The following ZNF706 variants were observed in gnomAD, a reference collection of about 807,000 sequenced individuals.
The protein encoded by ZNF706 is transcriptional regulator ZNF706.
Under a neutral mutation model 9.2 loss-of-function variants are expected in ZNF706, and 4 were observed. The ratio of observed to expected loss-of-function variants is 0.43; its 90% CI spans 0.21 to 0.99. The LOEUF is 0.99. Ranked by LOEUF, ZNF706 falls within the 50% of genes least tolerant of loss-of-function variation. The pLI is 0.26. For synonymous variants in ZNF706, 28 were observed against 27.3 expected, an observed-to-expected ratio of 1.03 and a Z score of -0.08; for missense variants, 27 against 87.8, an observed-to-expected ratio of 0.31 and a Z score of 2.77.
At position 101,198,713 on chromosome 8, in the gene ZNF706, A is replaced by G. The variant is rs1393698170; in HGVS notation, c.*539T>C. On this transcript the variant is annotated 3_prime_UTR_variant, in exon 4 of 4. Coordinates refer to ENST00000311212, the MANE Select transcript of ZNF706 (RefSeq NM_016096.5). The stretch of plus-strand genomic sequence containing the variant: ...ACACATAACCGCAATATACTAAGGC[A>G]GCAGATAAGTCATTTTTCACCTAGA... 1 of 153,120 alleles carries G rather than the reference A, an allele frequency of 6.5e-6. No individual in the cohort carries two copies. Among genetic ancestry groups the G allele is most frequent in the African/African-American group, 2.4e-5 (1 of 41,454 alleles). The allele number at this position is 153,120 out of a possible 1,614,324, so 9.5% of individuals were successfully genotyped here.
Position 101,199,206 on chromosome 8 carries a change from G to C in ZNF706, c.*46C>G, listed in dbSNP as rs1302103983. Reference sequence around the variant, plus strand: ...TGCAGGTATGTTACCTAAGGTCTGAGACAGTAGAAGAGTCAAAGGTGTCAT... The same window carrying C: ...TGCAGGTATGTTACCTAAGGTCTGACACAGTAGAAGAGTCAAAGGTGTCAT... On this transcript the variant is annotated 3_prime_UTR_variant, in exon 4 of 4. Coordinates refer to ENST00000311212, the MANE Select transcript of ZNF706 (RefSeq NM_016096.5). The C allele has an allele frequency of 1.4e-5, 10 of 701,504 alleles. No homozygotes were observed. Among genetic ancestry groups the C allele is most frequent in the Admixed American group, 6.0e-5 (3 of 49,880 alleles). 43.5% of individuals were successfully genotyped at this position (701,504 alleles called of 1,614,324 possible).
Position 101,201,600 on chromosome 8 carries a change from C to A in ZNF706, c.135+7G>T, listed in dbSNP as rs754763258. 3.7e-6 allele frequency: 6 copies of A among 1,610,808 alleles called. No homozygotes were observed. The highest frequency in any genetic ancestry group is 1.7e-5 in the Admixed American group (1 of 59,804). On this transcript the variant is annotated splice_region_variant and intron_variant, in intron 2 of 3. Coordinates refer to ENST00000311212, the MANE Select transcript of ZNF706 (RefSeq NM_016096.5). This position sits in a 1 kb window ranked among gnomAD's most constrained non-coding sequence, Gnocchi z 4.5. ...AGAGCTGTATCTTTCAATTCAATTC[C>A]CCTTACCCTACAGACAGTGCAGGTA...
rs1810442864 is a variant in ZNF706, at chr8:101,198,505, ATTAT to A, written c.*743_*746del. Reference sequence around the variant, plus strand: ...TTTGCATTAAACAATAGGCTTAATGATTATTTCATTACGGCATATACATTAGAAC... The same window carrying A: ...TTTGCATTAAACAATAGGCTTAATGATTCATTACGGCATATACATTAGAAC... On this transcript the variant is annotated 3_prime_UTR_variant, in exon 4 of 4. Coordinates refer to ENST00000311212, the MANE Select transcript of ZNF706 (RefSeq NM_016096.5). The A allele has an allele frequency of 6.6e-6, 1 of 152,190 alleles. No individual in the cohort carries two copies. The highest frequency in any genetic ancestry group is 6.5e-5 in the Admixed American group (1 of 15,280). 9.4% of individuals were successfully genotyped at this position (152,190 alleles called of 1,614,324 possible).
intron 1 of ZNF706, chr8:101,204,175 A>C (rs887378928): frequency 2.0e-5 from 3 of 152,252 alleles, no homozygotes; most frequent in Non-Finnish European, 4.4e-5. Context: ...TGCTTTCTAG[A>C]AGTTACTAGC....
chr8:101,199,710 A>G (rs1810490798), intron 3 of ZNF706, among the ~76,000 whole-genome samples: 1 of 152,160 alleles, frequency 6.6e-6, no homozygotes, highest in African/African-American at 2.4e-5. Flanking sequence ...TGTAATCACT[A>G]TTTTCTTTAA....
At chr8:101,203,995 C>T (rs1156773860) in intron 1 of ZNF706, 1 of 152,172 alleles carries the variant, frequency 6.6e-6, no homozygotes, top group Non-Finnish European at 1.5e-5. Flanking sequence ...TTTTTTGTCT[C>T]AATGTCTTAC....
At chr8:101,199,318 A>G in intron 3 of ZNF706, 79 bp from the exon 4 acceptor site, 1 of 693,766 alleles carries the variant, frequency 1.4e-6, no homozygotes, top group Non-Finnish European at 2.6e-6. Flanking sequence ...ATAACTAAGA[A>G]GAAACACTAT....
chr8:101,204,868 A>T, intron 1 of ZNF706: 1 of 985,708 alleles, frequency 1.0e-6, no homozygotes, highest in Non-Finnish European at 1.2e-6. Context: ...GGAAAGGAAG[A>T]GGCCCAGGCA....
Position 101,197,314 on chromosome 8 carries a change from T to C in ZNF706, c.*1938A>G, listed in dbSNP as rs1258797760. ...CTGTTAAAGAATCTTCAAATTAAATTACAGGGATGTTTGGTTTTTAACTCA... is the reference window on the plus strand; with the variant it reads ...CTGTTAAAGAATCTTCAAATTAAATCACAGGGATGTTTGGTTTTTAACTCA... On this transcript the variant is annotated 3_prime_UTR_variant, in exon 4 of 4. Transcript: ENST00000311212. 6.6e-6 allele frequency: 1 copy of C among 152,192 alleles called. No individual in the cohort carries two copies. Among genetic ancestry groups the C allele is most frequent in the Non-Finnish European group, 1.5e-5 (1 of 68,016 alleles). The allele number at this position is 152,192 out of a possible 1,614,324, so 9.4% of individuals were successfully genotyped here.
At chr8:101,199,407 C>G (rs528443257) in intron 3 of ZNF706, among the ~76,000 whole-genome samples, 168 bp from the exon 4 acceptor site, 2 of 152,214 alleles carry the variant, frequency 1.3e-5, no homozygotes, top group South Asian at 2.1e-4. Context: ...AGAAAGAATT[C>G]TGAAACACAC....
At chr8:101,200,242 G>A in intron 2 of ZNF706, 145 bp from the exon 3 acceptor site, 1 of 600,666 alleles carries the variant, frequency 1.7e-6, no homozygotes, top group Non-Finnish European at 2.9e-6. Context: ...GGCATATGAA[G>A]AGGGACTTTG....
At chr8:101,202,740 T>C (rs937195130) in intron 1 of ZNF706, 2 of 152,226 alleles carry the variant, frequency 1.3e-5, no homozygotes, top group African/African-American at 4.8e-5. Context: ...TGCACTTTAC[T>C]GTATGTAATC....
Position 101,201,825 on chromosome 8 carries a change from G to A in ZNF706, c.-2-82C>T. The A allele has an allele frequency of 7.1e-7, 1 of 1,400,768 alleles. No individual in the cohort carries two copies. 86.8% of individuals were successfully genotyped at this position (1,400,768 alleles called of 1,614,324 possible). A position where few individuals can be genotyped will look rare whatever the true frequency, so the allele number is the denominator to read the frequency against. ...AAAGCATAAGAACGTTCTTAGAATT[G>A]AAGCCTTAAGTTTTATAGAAATATC... On this transcript the variant is annotated intron_variant, in intron 1 of 3. Coordinates refer to ENST00000311212, the MANE Select transcript of ZNF706 (RefSeq NM_016096.5). This position sits in a 1 kb window ranked among gnomAD's most constrained non-coding sequence, Gnocchi z 4.5.
At position 101,201,962 on chromosome 8, in the gene ZNF706, G is replaced by A. The variant is rs1324447723; in HGVS notation, c.-2-219C>T. On this transcript the variant is annotated intron_variant, in intron 1 of 3. Transcript: ENST00000311212. The surrounding 1 kb of genome is among the most constrained non-coding windows in gnomAD (Gnocchi z 4.5). ...TGGTAGCTGTTTATTCTATGAGCCA[G>A]CAATTCCACTCTTGGTATATACCCA... Among the ~76,000 whole-genome samples, 2 of 152,092 alleles carry A rather than the reference G, an allele frequency of 1.3e-5. No individual in the cohort carries two copies. Among genetic ancestry groups the A allele is most frequent in the African/African-American group, 4.8e-5 (2 of 41,390 alleles).
At chr8:101,199,336 A>C in intron 3 of ZNF706, 97 bp from the exon 4 acceptor site, 3 of 676,796 alleles carry the variant, frequency 4.4e-6, no homozygotes, top group South Asian at 1.6e-5. Context: ...TATGAAGATA[A>C]TATCTGGTAA....
chr8:101,199,906 A>C (rs1397867217), intron 3 of ZNF706, 84 bp downstream of exon 3: 9 of 918,312 alleles, frequency 9.8e-6, no homozygotes, highest in Non-Finnish European at 1.5e-5. Context: ...GAAGGCAGAA[A>C]TTAATTTCAC....
At position 101,205,053 on chromosome 8, in the gene ZNF706, A is replaced by T; in HGVS notation, c.-3+382T>A. ...CGGAGACCCCCTCCTCCTCCCTGCC[A>T]CCAAAGGCCACGCAGCCCCCATCTA... On this transcript the variant is annotated intron_variant, in intron 1 of 3. Coordinates refer to ENST00000311212, the MANE Select transcript of ZNF706 (RefSeq NM_016096.5). The surrounding 1 kb of genome is among the most constrained non-coding windows in gnomAD (Gnocchi z 6.6). 1.8e-6 allele frequency: 1 copy of T among 552,174 alleles called. No homozygotes were observed. The highest frequency in any genetic ancestry group is 2.3e-6 in the Non-Finnish European group (1 of 434,974). 34.2% of individuals were successfully genotyped at this position (552,174 alleles called of 1,614,324 possible).
rs1810442642 is a variant in ZNF706, at chr8:101,198,503, T to C, written c.*749A>G. On this transcript the variant is annotated 3_prime_UTR_variant, in exon 4 of 4. Coordinates refer to ENST00000311212, the MANE Select transcript of ZNF706 (RefSeq NM_016096.5). The stretch of plus-strand genomic sequence containing the variant: ...ATTTTGCATTAAACAATAGGCTTAA[T>C]GATTATTTCATTACGGCATATACAT... 6.6e-6 allele frequency: 1 copy of C among 152,230 alleles called. No individual in the cohort carries two copies. The highest frequency in any genetic ancestry group is 1.5e-5 in the Non-Finnish European group (1 of 68,028). 9.4% of individuals were successfully genotyped at this position (152,230 alleles called of 1,614,324 possible).
In ZNF706 at chr8:101,201,596, A is replaced by C. The variant is rs1240752120; in HGVS notation, c.135+11T>G. On this transcript the variant is annotated intron_variant, in intron 2 of 3. Coordinates refer to ENST00000311212, the MANE Select transcript of ZNF706 (RefSeq NM_016096.5). This position sits in a 1 kb window ranked among gnomAD's most constrained non-coding sequence, Gnocchi z 4.5. ...CGGGAGAGCTGTATCTTTCAATTCA[A>C]TTCCCCTTACCCTACAGACAGTGCA... The C allele has an allele frequency of 3.1e-6, 5 of 1,608,882 alleles. No individual in the cohort carries two copies. Among genetic ancestry groups the C allele is most frequent in the Non-Finnish European group, 4.2e-6 (5 of 1,178,672 alleles).
Sources: gnomAD v4.1 joint callset for allele counts (sites outside exome capture counted in the v4.1 genomes callset) on GRCh38, gnomAD v4.1.1 for gene constraint, Gnocchi (gnomAD v3.1) non-coding constraint, MANE v1.5 for transcripts, NCBI Gene and HGNC (gene_info 2026-07-23, HGNC 2026-07-21) for gene names.